SLA: variants seen among roughly 807,000 people sequenced by gnomAD.
The protein encoded by SLA is src-like-adapter.
In SLA, 16 loss-of-function variants were observed where a neutral mutation model predicts 30.3. The ratio of observed to expected loss-of-function variants is 0.53; its 90% CI spans 0.36 to 0.80. The LOEUF is 0.80. Among genes scored for constraint, SLA ranks in the 30% least tolerant of loss-of-function variants. The pLI is 0.01. For synonymous variants in SLA, 143 were observed against 137.8 expected (o/e 1.04, Z -0.26); for missense variants, 310 against 345.2 (o/e 0.90, Z 0.81).
chr8:133,094,781 A>G (rs1848158915), intron 1 of SLA: 1 of 550,794 alleles, frequency 1.8e-6, no homozygotes, highest in Non-Finnish European at 3.3e-6. Context: ...CTGCACAGCC[A>G]AGACTGAAGG....
chr8:133,091,936 T>C (rs1847614997), intron 1 of SLA, among the ~76,000 whole-genome samples: 1 of 152,122 alleles, frequency 6.6e-6, no homozygotes, highest in Non-Finnish European at 1.5e-5. Flanking sequence ...TGTGTGTGTG[T>C]GTGTTTCCAT....
At chr8:133,096,295 G>A in intron 1 of SLA, 1 of 1,614,202 alleles carries the variant, frequency 6.2e-7, no homozygotes, top group South Asian at 1.1e-5. Context: ...CACTGAAGAG[G>A]TCTTTATGGG....
At chr8:133,050,682 T>G in intron 4 of SLA, 134 bp downstream of exon 4, 2 of 642,602 alleles carry the variant, frequency 3.1e-6, no homozygotes, top group South Asian at 1.8e-5. Context: ...GCAGTATGGG[T>G]CAAATTTCTC....
At chr8:133,053,215 G>A (rs1378402182) in intron 3 of SLA, among the ~76,000 whole-genome samples, 1 of 152,074 alleles carries the variant, frequency 6.6e-6, no homozygotes, top group Non-Finnish European at 1.5e-5. Context: ...CTTCCTCTTG[G>A]CCCCTAAGAT....
intron 1 of SLA, chr8:133,076,217 A>T (rs907390657): frequency 2.0e-5 from 3 of 152,202 alleles, no homozygotes; most frequent in Non-Finnish European, 4.4e-5. Flanking sequence ...CAGAGACTTG[A>T]GTGATCTGTC....
chr8:133,095,624 G>A (rs1021012879), intron 1 of SLA, among the ~76,000 whole-genome samples: 2 of 152,168 alleles, frequency 1.3e-5, no homozygotes, highest in African/African-American at 2.4e-5. Flanking sequence ...GTGTATTTGA[G>A]TCACTTCACT....
chr8:133,056,489 C>T (rs1841468003), intron 3 of SLA, among the ~76,000 whole-genome samples: 1 of 152,160 alleles, frequency 6.6e-6, no homozygotes, highest in Non-Finnish European at 1.5e-5. Flanking sequence ...AGCATGGGGG[C>T]TTCTTGAAAC....
intron 4 of SLA, chr8:133,050,215 T>C (rs1225426192): frequency 1.8e-6 from 1 of 549,882 alleles, no homozygotes; most frequent in East Asian, 3.0e-5. Context: ...AACCCTCCCA[T>C]GTGCTAGAAA....
At position 133,038,378 on chromosome 8, in the gene SLA, G is replaced by A; in HGVS notation, c.*146C>T. The A allele has an allele frequency of 7.5e-6, 5 of 662,456 alleles. No homozygotes were observed. Among genetic ancestry groups the A allele is most frequent in the South Asian group, 1.8e-5 (1 of 55,180 alleles). 41.0% of individuals were successfully genotyped at this position (662,456 alleles called of 1,614,324 possible). A position where few individuals can be genotyped will look rare whatever the true frequency, so the allele number is the denominator to read the frequency against. On this transcript the variant is annotated 3_prime_UTR_variant, in exon 9 of 9. Coordinates refer to ENST00000338087, the MANE Select transcript of SLA (RefSeq NM_001045556.3). ...TGGTCATGATGTGGATAGAGAAGAT[G>A]CGAATTTGAGTCTCCATGTGGCTTC...
chr8:133,096,847 G>A (rs994181413), intron 1 of SLA, among the ~76,000 whole-genome samples: 1 of 152,208 alleles, frequency 6.6e-6, no homozygotes, highest in Non-Finnish European at 1.5e-5. Flanking sequence ...AATGCACCTG[G>A]CAAACACGCA....
chr8:133,058,364 A>G (rs1301010244), intron 3 of SLA, among the ~76,000 whole-genome samples: 1 of 152,174 alleles, frequency 6.6e-6, no homozygotes, highest in African/African-American at 2.4e-5. Context: ...CCCTCTCTCT[A>G]TGTCTGTTCT....
chr8:133,048,630 G>A (rs773581461), intron 5 of SLA: 12 of 156,392 alleles, frequency 7.7e-5, no homozygotes, highest in South Asian at 1.9e-4. Flanking sequence ...CCCCCAGCTC[G>A]TGCCAGCTGC....
chr8:133,048,395 G>A (rs1839855714), intron 5 of SLA, among the ~76,000 whole-genome samples: 1 of 152,048 alleles, frequency 6.6e-6, no homozygotes, highest in African/African-American at 2.4e-5. Context: ...AACTTTTTGT[G>A]TTTTTAGTAG....
chr8:133,077,986 C>T lies in SLA; in HGVS notation c.-318-2856G>A, dbSNP rs528821952. On this transcript the variant is annotated intron_variant, in intron 1 of 8. Transcript: ENST00000338087. The stretch of plus-strand genomic sequence containing the variant: ...ATCATACCCATCCCAAAATAAGACA[C>T]GTGTGAAGGTTGTTCTTTCTTGGGT... Among the ~76,000 whole-genome samples the T allele has an allele frequency of 4.7e-4, 72 of 152,284 alleles. 1 individual carries two copies. Among genetic ancestry groups the T allele is most frequent in the African/African-American group, 1.7e-3 (69 of 41,556 alleles).
At chr8:133,055,390 C>CAA (rs1215953527) in intron 3 of SLA, among the ~76,000 whole-genome samples, 1 of 134,226 alleles carries the variant, frequency 7.5e-6, no homozygotes, top group East Asian at 2.1e-4. Flanking sequence ...CACACACACA[C>CAA]ACACACACAC....
intron 2 of SLA, among the ~76,000 whole-genome samples, chr8:133,066,307 C>G (rs555737278): frequency 1.7e-5 from 2 of 118,658 alleles, no homozygotes; most frequent in African/African-American, 6.9e-5. Context: ...ACCTGGGTGA[C>G]AGAGCGAGAC....
intron 1 of SLA, among the ~76,000 whole-genome samples, chr8:133,076,324 G>A (rs1419033749): frequency 2.0e-5 from 3 of 152,216 alleles, no homozygotes; most frequent in Non-Finnish European, 4.4e-5. Flanking sequence ...GCCACCCTGG[G>A]ACAGTCATTT....
chr8:133,101,108 T>C (rs547003437), intron 1 of SLA, among the ~76,000 whole-genome samples: 13 of 152,194 alleles, frequency 8.5e-5, no homozygotes, highest in Admixed American at 7.9e-4. Flanking sequence ...TGGCAGGCTC[T>C]ACCCATTACC....
At chr8:133,047,739 G>A (rs2131184494) in intron 6 of SLA, 91 bp downstream of exon 6, 5 of 798,834 alleles carry the variant, frequency 6.3e-6, no homozygotes, top group East Asian at 2.4e-5. Context: ...GGACGTAGGA[G>A]GAAGGAAAAT....
Sources: allele counts gnomAD v4.1 joint callset (sites outside exome capture counted in the v4.1 genomes callset), GRCh38; gene constraint gnomAD v4.1.1; transcripts MANE v1.5; gene names NCBI Gene and HGNC (gene_info 2026-07-23, HGNC 2026-07-21).